Variants in TMCO4 observed in about 807,000 individuals in gnomAD.
TMCO4 encodes the protein transmembrane and coiled-coil domains 4.
TMCO4 carries 58 observed loss-of-function variants against 64.7 expected under a neutral mutation model. That is an observed-to-expected ratio of 0.90 (90% CI 0.73 to 1.12). TMCO4 has a LOEUF of 1.12. Among genes scored for constraint, TMCO4 ranks in the 50% most tolerant of loss-of-function variants. The pLI is 0.00. For missense variants in TMCO4, 780 were observed against 825.9 expected (o/e 0.94, Z 0.68); for synonymous variants, 325 against 346.1 (o/e 0.94, Z 0.68).
intron 4 of TMCO4, among the ~76,000 whole-genome samples, chr1:19,778,870 C>T (rs1305389477): frequency 1.3e-5 from 2 of 152,182 alleles, no homozygotes; most frequent in Non-Finnish European, 2.9e-5. Context: ...CCCTGCCCTC[C>T]CGAGCTCAGA....
intron 6 of TMCO4, among the ~76,000 whole-genome samples, chr1:19,770,241 G>A (rs956023084): frequency 4.6e-5 from 7 of 152,348 alleles, no homozygotes; most frequent in Admixed American, 2.6e-4. Flanking sequence ...CAGGAGGGGC[G>A]ACAGTGGCTT....
Position 19,703,591 on chromosome 1 carries a change from A to T in TMCO4, c.1265-2706T>A, listed in dbSNP as rs1273085529. ...TTTTGACAGAGTCTCACTCTCACCC[A>T]GGCTAGAGTGCAGTGGTGCAATCTT... On this transcript the variant is annotated intron_variant, in intron 13 of 15. Coordinates refer to ENST00000294543, the MANE Select transcript of TMCO4 (RefSeq NM_181719.7). Among the ~76,000 whole-genome samples, 3 of 143,678 alleles carry T rather than the reference A, an allele frequency of 2.1e-5. No individual in the cohort carries two copies. In the Admixed American group the frequency reaches 2.1e-4, roughly 10 times the overall value. 94.3% of individuals were successfully genotyped at this position (143,678 alleles called of 152,430 possible).
At chr1:19,797,861 CAAA>C (rs554180355) in intron 2 of TMCO4, among the ~76,000 whole-genome samples, 1 of 44,296 alleles carries the variant, frequency 2.3e-5, no homozygotes, top group Non-Finnish European at 4.4e-5. Context: ...GAGACTCTGT[CAAA>C]AAAAAAAAAA....
chr1:19,739,849 G>T lies in TMCO4; in HGVS notation c.1154C>A (p.Ala385Asp). 3.1e-6 allele frequency: 5 copies of T among 1,613,780 alleles called. No individual in the cohort carries two copies. Among genetic ancestry groups the T allele is most frequent in the Non-Finnish European group, 4.2e-6 (5 of 1,179,918 alleles). ...CTGCTGCCGGGAGAGCAGGATGTGGGCCAGGTGCTTGCCAACCTCTGCTGA... is the reference window on the plus strand; with the variant it reads ...CTGCTGCCGGGAGAGCAGGATGTGGTCCAGGTGCTTGCCAACCTCTGCTGA... Reference protein sequence around the residue: ...HRSAEVGKHLAHILLSRQQGR... With the variant: ...HRSAEVGKHLDHILLSRQQGR... Residue 385 changes from alanine to aspartate, a missense_variant, in exon 12 of 16, where the codon GCC becomes GAC. By Grantham distance (126) the Ala-to-Asp change is moderately radical (BLOSUM62 -2). Transcript: ENST00000294543.
intron 14 of TMCO4, among the ~76,000 whole-genome samples, chr1:19,695,652 G>A (rs2095231255): frequency 6.6e-6 from 1 of 152,142 alleles, no homozygotes; most frequent in Non-Finnish European, 1.5e-5. Flanking sequence ...CCACAGGCAA[G>A]TCCCCCACCT....
intron 7 of TMCO4, among the ~76,000 whole-genome samples, chr1:19,755,037 T>C (rs988755877): frequency 6.6e-6 from 1 of 152,170 alleles, no homozygotes; most frequent in African/African-American, 2.4e-5. Flanking sequence ...CCAGGTGTCA[T>C]AAGAGCCTGA....
At chr1:19,697,530 G>C (rs1349081246) in intron 14 of TMCO4, among the ~76,000 whole-genome samples, 1 of 148,598 alleles carries the variant, frequency 6.7e-6, no homozygotes, top group African/African-American at 2.5e-5. Flanking sequence ...GCCTCCTAGG[G>C]TCAAGCCATC....
intron 13 of TMCO4, among the ~76,000 whole-genome samples, chr1:19,729,789 T>C (rs1182212940): frequency 6.6e-6 from 1 of 151,916 alleles, no homozygotes; most frequent in African/African-American, 2.4e-5. Context: ...AACAAATAAA[T>C]AAATAAAAAA....
chr1:19,742,410 G>C (rs1388826185), intron 10 of TMCO4, among the ~76,000 whole-genome samples: 1 of 152,164 alleles, frequency 6.6e-6, no homozygotes, highest in African/African-American at 2.4e-5. Flanking sequence ...CAGCCTGCAG[G>C]TTCTGAGCAT....
intron 13 of TMCO4, among the ~76,000 whole-genome samples, chr1:19,728,746 T>TCA (rs1266174134): frequency 1.7e-4 from 26 of 152,142 alleles, no homozygotes; most frequent in Non-Finnish European, 2.8e-4. Context: ...AACACTGGGG[T>TCA]TCTCACCCAA....
At chr1:19,784,744 AG>A (rs1439112860) in intron 3 of TMCO4, among the ~76,000 whole-genome samples, 2 of 146,476 alleles carry the variant, frequency 1.4e-5, no homozygotes, top group Non-Finnish European at 3.0e-5. Flanking sequence ...TGATGGCCTA[AG>A]AGGGGTGTCC....
chr1:19,712,528 G>A (rs1370593213), intron 13 of TMCO4, among the ~76,000 whole-genome samples: 7 of 151,534 alleles, frequency 4.6e-5, no homozygotes, highest in African/African-American at 1.7e-4. Flanking sequence ...GCTGAGGCAG[G>A]AGAATCGCTT....
intron 14 of TMCO4, among the ~76,000 whole-genome samples, chr1:19,699,486 C>CATATATAT (rs10587817): frequency 2.0e-3 from 273 of 136,406 alleles, no homozygotes; most frequent in African/African-American, 4.6e-3. Context: ...TTTTCATATA[C>CATATATAT]ATATATATAT....
intron 7 of TMCO4, among the ~76,000 whole-genome samples, chr1:19,754,821 G>A (rs2042171318): frequency 1.3e-5 from 2 of 152,188 alleles, no homozygotes; most frequent in Non-Finnish European, 2.9e-5. Context: ...CATCTACCAA[G>A]CACTTGCTGT....
chr1:19,734,447 G>A lies in TMCO4; in HGVS notation c.1264+2925C>T, dbSNP rs959979598. Among the ~76,000 whole-genome samples, 40 of 152,082 alleles carry A rather than the reference G, an allele frequency of 2.6e-4. No homozygotes were observed. The highest frequency in any genetic ancestry group is 2.9e-4 in the Non-Finnish European group (20 of 68,006). On this transcript the variant is annotated intron_variant, in intron 13 of 15. Transcript: ENST00000294543. This position sits in a 1 kb window ranked among gnomAD's most constrained non-coding sequence, Gnocchi z 4.4. Reference sequence around the variant, plus strand: ...TAGGGTGCCCAGCACCAGTGCCCCCGGGTCCTCCTTGGCAGGATCCACTCA... The same window carrying A: ...TAGGGTGCCCAGCACCAGTGCCCCCAGGTCCTCCTTGGCAGGATCCACTCA...
At chr1:19,791,789 C>G (rs940969323) in intron 2 of TMCO4, among the ~76,000 whole-genome samples, 27 of 152,324 alleles carry the variant, frequency 1.8e-4, no homozygotes, top group Admixed American at 9.2e-4. Flanking sequence ...GAGGAGCTCC[C>G]AGCTCCCGGT....
chr1:19,747,896 G>A (rs533283867), intron 7 of TMCO4, among the ~76,000 whole-genome samples: 4 of 152,322 alleles, frequency 2.6e-5, no homozygotes, highest in South Asian at 4.1e-4. Flanking sequence ...TCAGCCCTGA[G>A]CCCCTTTGCT....
chr1:19,771,033 C>T (rs2042956299), intron 5 of TMCO4, among the ~76,000 whole-genome samples: 1 of 152,208 alleles, frequency 6.6e-6, no homozygotes, highest in South Asian at 2.1e-4. Context: ...GTTTCCTCAA[C>T]TATGAAATGG....
At chr1:19,725,490 T>C (rs371416176) in intron 13 of TMCO4, among the ~76,000 whole-genome samples, 5 of 152,278 alleles carry the variant, frequency 3.3e-5, no homozygotes, top group Non-Finnish European at 1.5e-5. Context: ...AGCAAAAATA[T>C]AGAAAAGATG....
Sources: allele counts gnomAD v4.1 joint callset (sites outside exome capture counted in the v4.1 genomes callset), GRCh38; gene constraint gnomAD v4.1.1; non-coding constraint Gnocchi (gnomAD v3.1); transcripts MANE v1.5; gene names NCBI Gene and HGNC (gene_info 2026-07-23, HGNC 2026-07-21).